Variants in RASSF3 observed in about 807,000 individuals in gnomAD.
RASSF3 encodes the protein Ras association domain family member 3.
A neutral mutation model predicts 19.9 loss-of-function variants in RASSF3; 19 were observed. The observed-to-expected ratio is 0.96, with a 90% confidence interval of 0.67 to 1.40. The LOEUF is 1.40. Among genes scored for constraint, RASSF3 ranks in the 40% most tolerant of loss-of-function variants. The pLI is 0.00. For missense variants in RASSF3, 306 were observed against 289.8 expected (o/e 1.06, Z -0.41); for synonymous variants, 110 against 104.2 (o/e 1.06, Z -0.34).
downstream of RASSF3, among the ~76,000 whole-genome samples, chr12:64,544,264 C>A (rs1424314199): frequency 6.6e-6 from 1 of 151,810 alleles, no homozygotes; most frequent in Non-Finnish European, 1.5e-5. Context: ...CAACTCCAGA[C>A]GCACTGCCTT....
chr12:64,663,833 G>T (rs1872454912), intron 1 of RASSF3, among the ~76,000 whole-genome samples: 1 of 123,968 alleles, frequency 8.1e-6, no homozygotes, highest in African/African-American at 3.5e-5. Flanking sequence ...CCACGTTTTA[G>T]CCTTGCCTTT....
At chr12:64,510,644 CT>C (rs1868322743) in intron 1 of RASSF3, among the ~76,000 whole-genome samples, 1 of 152,128 alleles carries the variant, frequency 6.6e-6, no homozygotes, top group African/African-American at 2.4e-5. Context: ...CTATCTCCCC[CT>C]AGAAGACAAT....
chr12:64,619,908 A>G (rs1870687572), intron 1 of RASSF3, among the ~76,000 whole-genome samples: 1 of 147,980 alleles, frequency 6.8e-6, no homozygotes, highest in South Asian at 2.2e-4. Context: ...TGAACCTGGG[A>G]GGTGGAGGTT....
chr12:64,634,266 A>G (rs1008277913), intron 1 of RASSF3, among the ~76,000 whole-genome samples: 1 of 151,386 alleles, frequency 6.6e-6, no homozygotes, highest in African/African-American at 2.4e-5. Context: ...AAATTGACAC[A>G]GAGGGTCTGC....
At chr12:64,569,460 G>C (rs942834407) in intron 2 of RASSF3, among the ~76,000 whole-genome samples, 3 of 152,140 alleles carry the variant, frequency 2.0e-5, no homozygotes, top group Middle Eastern at 3.2e-3. Context: ...CTTCCCACCT[G>C]GCTGCTAAAA....
At chr12:64,673,593 C>T (rs1872776329) in intron 1 of RASSF3, among the ~76,000 whole-genome samples, 1 of 152,252 alleles carries the variant, frequency 6.6e-6, no homozygotes, top group Middle Eastern at 3.4e-3. Context: ...GAGAGGACGG[C>T]TGCAGCAAGA....
chr12:64,686,597 C>CAAGA (rs1371609032), intron 2 of RASSF3, among the ~76,000 whole-genome samples: 3 of 151,184 alleles, frequency 2.0e-5, no homozygotes, highest in Non-Finnish European at 2.9e-5. Context: ...GGCGACAGAG[C>CAAGA]AAGACTCCAT....
chr12:64,643,230 T>C (rs1011357460), intron 1 of RASSF3, among the ~76,000 whole-genome samples: 2 of 152,120 alleles, frequency 1.3e-5, no homozygotes, highest in Non-Finnish European at 2.9e-5. Flanking sequence ...TATTTGAGTA[T>C]GAAAGAAGTT....
chr12:64,647,681 G>A (rs929476390), intron 1 of RASSF3, among the ~76,000 whole-genome samples: 13 of 151,966 alleles, frequency 8.6e-5, no homozygotes, highest in African/African-American at 3.1e-4. Flanking sequence ...AAAGTGCTGG[G>A]ATTACAGGCA....
intron 1 of RASSF3, among the ~76,000 whole-genome samples, chr12:64,645,177 T>C (rs1014705154): frequency 6.6e-6 from 1 of 152,180 alleles, no homozygotes; most frequent in African/African-American, 2.4e-5. Context: ...TCAAAAGGAC[T>C]GAAGGAAATG....
At chr12:64,610,295 G>A (rs1361431461), upstream of RASSF3, among the ~76,000 whole-genome samples, 3 of 151,710 alleles carry the variant, frequency 2.0e-5, no homozygotes, top group African/African-American at 2.4e-5. Flanking sequence ...GACGCTGTCG[G>A]GAGAAACCCG....
Position 64,548,380 on chromosome 12 carries a change from A to C in RASSF3, c.294+6675A>C, listed in dbSNP as rs1011567907. Reference sequence around the variant, plus strand: ...TTTATTTATTTTTTTTGTAGAGAAGAGGTCTCACCATCTTGGTCAGGCTGG... The same window carrying C: ...TTTATTTATTTTTTTTGTAGAGAAGCGGTCTCACCATCTTGGTCAGGCTGG... On this transcript the variant is annotated intron_variant, in intron 2 of 5. Coordinates refer to the RASSF3 transcript ENST00000637125. 7.9e-5 allele frequency among the ~76,000 whole-genome samples: 12 copies of C among 151,952 alleles called. No homozygotes were observed. The South Asian group carries it at 1.3e-3, about 16-fold the overall frequency.
chr12:64,532,030 T>A (rs1250450340), upstream of RASSF3, among the ~76,000 whole-genome samples: 1 of 152,084 alleles, frequency 6.6e-6, no homozygotes, highest in Non-Finnish European at 1.5e-5. Context: ...GGGGTAAAAA[T>A]GCCTCATAGT....
intron 1 of RASSF3, among the ~76,000 whole-genome samples, chr12:64,624,733 C>A (rs1482598713): frequency 6.6e-6 from 1 of 152,128 alleles, no homozygotes; most frequent in African/African-American, 2.4e-5. Context: ...GATCTAGGCT[C>A]ACTGCAAGCT....
intron 2 of RASSF3, among the ~76,000 whole-genome samples, chr12:64,556,294 G>A (rs993647927): frequency 6.6e-5 from 10 of 152,236 alleles, no homozygotes; most frequent in African/African-American, 2.2e-4. Flanking sequence ...ACCTGGGACT[G>A]CAGGCATGCA....
chr12:64,541,830 A>G (rs1230420920), downstream of RASSF3: 1 of 395,036 alleles, frequency 2.5e-6, no homozygotes, highest in African/African-American at 2.1e-5. Context: ...GCTCAGGTTC[A>G]TTCATTGCCA....
intron 1 of RASSF3, among the ~76,000 whole-genome samples, chr12:64,625,895 A>ACT: frequency 6.6e-6 from 1 of 152,194 alleles, no homozygotes; most frequent in Non-Finnish European, 1.5e-5. Flanking sequence ...CCGACTCTTC[A>ACT]GAGTTCGTTT....
At chr12:64,685,470 C>A (rs1231924681) in intron 2 of RASSF3, among the ~76,000 whole-genome samples, 1 of 152,092 alleles carries the variant, frequency 6.6e-6, no homozygotes, top group Non-Finnish European at 1.5e-5. Flanking sequence ...ATCTCAAATT[C>A]CTTGGCTCAA....
intron 1 of RASSF3, among the ~76,000 whole-genome samples, chr12:64,520,104 C>T (rs1868435907): frequency 6.6e-6 from 1 of 151,758 alleles, no homozygotes; most frequent in Non-Finnish European, 1.5e-5. Flanking sequence ...ACAATAAGTA[C>T]TCAGTAGATG....
Sources: allele counts gnomAD v4.1 joint callset (sites outside exome capture counted in the v4.1 genomes callset), GRCh38; gene constraint gnomAD v4.1.1; transcripts MANE v1.5; gene names NCBI Gene and HGNC (gene_info 2026-07-23, HGNC 2026-07-21).